GLO1: variants seen among roughly 807,000 people sequenced by gnomAD.
GLO1 encodes lactoylglutathione lyase.
GLO1 carries 28 observed loss-of-function variants against 26.0 expected under a neutral mutation model. That is an observed-to-expected ratio of 1.08 (90% CI 0.80 to 1.48). GLO1 has a LOEUF of 1.48. GLO1 is among the 40% of genes most tolerant of loss of function. GLO1 has a pLI of 0.00. For synonymous variants in GLO1, 78 were observed against 77.6 expected, an observed-to-expected ratio of 1.00 and a Z score of -0.03; for missense variants, 225 against 224.8, an observed-to-expected ratio of 1.00 and a Z score of -0.01.
At chr6:38,687,507 T>C (rs1761474741) in intron 1 of GLO1, among the ~76,000 whole-genome samples, 1 of 152,214 alleles carries the variant, frequency 6.6e-6, no homozygotes, top group South Asian at 2.1e-4. Context: ...CTAGAACCAT[T>C]TACTGGTGAC....
chr6:38,692,979 G>T (rs1347348515), intron 1 of GLO1, among the ~76,000 whole-genome samples: 1 of 151,566 alleles, frequency 6.6e-6, no homozygotes, highest in Non-Finnish European at 1.5e-5. Flanking sequence ...TGGAGATATT[G>T]GTCTGTAGTT....
At chr6:38,683,023 T>C (rs1379600022) in intron 3 of GLO1, 148 bp from the exon 4 acceptor site, 2 of 580,032 alleles carry the variant, frequency 3.4e-6, no homozygotes, top group African/African-American at 1.9e-5. Context: ...TTTTCAACTA[T>C]AGAAAGGACA....
chr6:38,680,544 T>G (rs1159820578), intron 5 of GLO1, among the ~76,000 whole-genome samples: 1 of 152,048 alleles, frequency 6.6e-6, no homozygotes, highest in African/African-American at 2.4e-5. Flanking sequence ...CAAAACCCCT[T>G]TAAAGACCAT....
intron 1 of GLO1, 65 bp downstream of exon 1, chr6:38,702,906 T>C (rs1761726512): frequency 2.2e-6 from 2 of 917,784 alleles, no homozygotes; most frequent in African/African-American, 1.7e-5. Context: ...TGGGGTTGGA[T>C]AGAATGCGGC....
Position 38,679,537 on chromosome 6 carries a change from T to G in GLO1, c.467-2154A>C, listed in dbSNP as rs536530033. ...CCGGCCGGGTGTGGTGGTTCACATC[T>G]GTAATCCCAATACTTTGGGAGGCTG... On this transcript the variant is annotated intron_variant, in intron 5 of 5. Transcript: ENST00000373365. 5.9e-5 allele frequency among the ~76,000 whole-genome samples: 9 copies of G among 152,230 alleles called. No homozygotes were observed. In the East Asian group the frequency reaches 1.7e-3, roughly 29 times the overall value.
chr6:38,692,763 T>C (rs947772452), intron 1 of GLO1, among the ~76,000 whole-genome samples: 1 of 151,680 alleles, frequency 6.6e-6, no homozygotes, highest in Non-Finnish European at 1.5e-5. Flanking sequence ...TTTTGTCAAA[T>C]GCCTTTTCTG....
intron 1 of GLO1, among the ~76,000 whole-genome samples, chr6:38,700,380 T>C (rs1264928446): frequency 2.0e-5 from 3 of 152,208 alleles, no homozygotes; most frequent in Non-Finnish European, 1.5e-5. Flanking sequence ...GTATCACTCT[T>C]CATAGTTTAG....
rs1582771479 is a variant in GLO1, at chr6:38,677,138, G to A, written c.*157C>T. 1.5e-6 allele frequency: 1 copy of A among 645,666 alleles called. No homozygotes were observed. Among genetic ancestry groups the A allele is most frequent in the Non-Finnish European group, 2.8e-6 (1 of 363,190 alleles). The allele number at this position is 645,666 out of a possible 1,614,324, so 40.0% of individuals were successfully genotyped here. Reference sequence around the variant, plus strand: ...GAAAACCAGAATGACTGAACAGTTAGGTGAAAAGGAACAGCTGAAATAGGA... The same window carrying A: ...GAAAACCAGAATGACTGAACAGTTAAGTGAAAAGGAACAGCTGAAATAGGA... On this transcript the variant is annotated 3_prime_UTR_variant, in exon 6 of 6. Transcript: ENST00000373365.
intron 3 of GLO1, among the ~76,000 whole-genome samples, chr6:38,683,702 A>G (rs1451876320): frequency 1.3e-5 from 2 of 152,082 alleles, no homozygotes; most frequent in Non-Finnish European, 2.9e-5. Context: ...CCTGGCTAAC[A>G]TGGTGAAACC....
intron 1 of GLO1, among the ~76,000 whole-genome samples, chr6:38,696,889 T>C (rs894191097): frequency 1.3e-5 from 2 of 151,984 alleles, no homozygotes. Flanking sequence ...CTTTCAAAAG[T>C]GTTATATTGC....
At chr6:38,681,033 C>T (rs1432077293) in intron 5 of GLO1, among the ~76,000 whole-genome samples, 1 of 152,064 alleles carries the variant, frequency 6.6e-6, no homozygotes, top group Non-Finnish European at 1.5e-5. Context: ...GAAGCAAATT[C>T]CTTTCTTATT....
Position 38,684,366 on chromosome 6 carries a change from A to C in GLO1, c.308+8T>G. The C allele has an allele frequency of 7.3e-7, 1 of 1,373,762 alleles. No individual in the cohort carries two copies. The highest frequency in any genetic ancestry group is 9.6e-7 in the Non-Finnish European group (1 of 1,045,576). 85.1% of individuals were successfully genotyped at this position (1,373,762 alleles called of 1,614,324 possible). A position where few individuals can be genotyped will look rare whatever the true frequency, so the allele number is the denominator to read the frequency against. The stretch of plus-strand genomic sequence containing the variant: ...ATAATATATATAAATATAGAAACTC[A>C]TACTCACTGTGTCAGCTCAAGTGTA... On this transcript the variant is annotated splice_region_variant and intron_variant, in intron 3 of 5. Coordinates refer to ENST00000373365, the MANE Select transcript of GLO1 (RefSeq NM_006708.3).
At chr6:38,693,658 GCTCTCT>G (rs71543936) in intron 1 of GLO1, among the ~76,000 whole-genome samples, 3,735 of 127,542 alleles carry the variant, frequency 0.029, 108 homozygotes, top group African/African-American at 0.064. Context: ...TTTTCATTCA[GCTCTCT>G]CTCTCTCTCT....
At chr6:38,693,098 T>C (rs1180768324) in intron 1 of GLO1, among the ~76,000 whole-genome samples, 2 of 152,134 alleles carry the variant, frequency 1.3e-5, no homozygotes, top group East Asian at 1.9e-4. Flanking sequence ...TTGTGTATAA[T>C]TGATGTTAAT....
At chr6:38,678,615 A>G (rs1761314004) in intron 5 of GLO1, among the ~76,000 whole-genome samples, 1 of 152,170 alleles carries the variant, frequency 6.6e-6, no homozygotes, top group South Asian at 2.1e-4. Context: ...TGCTGTGTGC[A>G]TCGGCACCTG....
At chr6:38,700,202 T>A (rs139255833) in intron 1 of GLO1, among the ~76,000 whole-genome samples, 2 of 152,300 alleles carry the variant, frequency 1.3e-5, no homozygotes, top group African/African-American at 4.8e-5. Context: ...AATATTGGGG[T>A]GGGTTCCCCC....
rs117588402 is a variant in GLO1 at position 38,682,323 on chromosome 6, T to C, written c.377-222A>G. ...TAGTTGCCTTGAATTATAAATTATTTAAAATTAATCAATATCAGCTCATAT... is the reference window on the plus strand; with the variant it reads ...TAGTTGCCTTGAATTATAAATTATTCAAAATTAATCAATATCAGCTCATAT... On this transcript the variant is annotated intron_variant, in intron 4 of 5. Transcript: ENST00000373365. Among the ~76,000 whole-genome samples the C allele has an allele frequency of 3.6e-3, 548 of 152,298 alleles. 16 individuals carry two copies. The East Asian group carries it at 0.067, about 19-fold the overall frequency.
intron 1 of GLO1, among the ~76,000 whole-genome samples, chr6:38,696,193 A>C (rs1761608817): frequency 6.6e-6 from 1 of 151,394 alleles, no homozygotes; most frequent in African/African-American, 2.4e-5. Flanking sequence ...TTCAGGATGA[A>C]TCAAAACTGG....
chr6:38,694,604 G>A (rs933255851), intron 1 of GLO1, among the ~76,000 whole-genome samples: 6 of 152,098 alleles, frequency 3.9e-5, no homozygotes, highest in Admixed American at 6.5e-5. Flanking sequence ...CCTTGAACCC[G>A]GGAAGCAGAG....
Sources: gnomAD v4.1 joint callset for allele counts (sites outside exome capture counted in the v4.1 genomes callset) on GRCh38, gnomAD v4.1.1 for gene constraint, MANE v1.5 for transcripts, NCBI Gene and HGNC (gene_info 2026-07-23, HGNC 2026-07-21) for gene names.